The following CD109 variants were observed in gnomAD, a reference collection of about 807,000 sequenced individuals.
CD109 encodes the protein CD109 molecule, also known as CD109 antigen.
In CD109, 149 loss-of-function variants were observed where a neutral mutation model predicts 165.8. The observed-to-expected ratio is 0.90, with a 90% CI of 0.79 to 1.03. The LOEUF is 1.03. Among genes scored for constraint, CD109 ranks in the 50% least tolerant of loss-of-function variants. CD109 has a pLI of 0.00. For synonymous variants in CD109, 585 were observed against 592.1 expected (o/e 0.99, Z 0.18); for missense variants, 1,712 against 1,677.8 (o/e 1.02, Z -0.36).
rs1468574679 is a variant in CD109 at position 73,818,425 on chromosome 6, G to A, written c.3949G>A (p.Glu1317Lys). Residue 1317 changes from glutamate (E) to lysine (K), a missense_variant, in exon 31 of 33, where the codon GAA (glutamate) becomes AAA (lysine). Physicochemically the swap from Glu to Lys is moderately conservative, Grantham distance 56 (BLOSUM62 1). Coordinates refer to ENST00000287097, the MANE Select transcript of CD109 (RefSeq NM_133493.5). The stretch of plus-strand genomic sequence containing the variant: ...GGGTAGGAGTGGCATGGCTCTTATG[G>A]AAGTTAACCTATTAAGTGGCTTTAT... Reference protein sequence around the residue: ...GPGRSGMALMEVNLLSGFMVP... With the variant: ...GPGRSGMALMKVNLLSGFMVP... 3.7e-6 allele frequency: 6 copies of A among 1,613,822 alleles called. No homozygotes were observed. Among genetic ancestry groups the A allele is most frequent in the Admixed American group, 1.7e-5 (1 of 59,938 alleles).
chr6:73,824,491 A>T lies in CD109; in HGVS notation c.*858A>T, dbSNP rs1278288851. 1 of 152,176 alleles carries T rather than the reference A, an allele frequency of 6.6e-6. No homozygotes were observed. Among genetic ancestry groups the T allele is most frequent in the East Asian group, 1.9e-4 (1 of 5,198 alleles). The allele number at this position is 152,176 out of a possible 1,614,324, so 9.4% of individuals were successfully genotyped here. On this transcript the variant is annotated 3_prime_UTR_variant, in exon 33 of 33. Coordinates refer to ENST00000287097, the MANE Select transcript of CD109 (RefSeq NM_133493.5). Reference sequence around the variant, plus strand: ...ACCAGGGAGACACTGTGAGCCAGGGATACAACAAAATACTAGGTAAGTCAC... The same window carrying T: ...ACCAGGGAGACACTGTGAGCCAGGGTTACAACAAAATACTAGGTAAGTCAC...
chr6:73,728,138 T>C (rs1479839440), intron 3 of CD109, among the ~76,000 whole-genome samples: 1 of 152,148 alleles, frequency 6.6e-6, no homozygotes, highest in Non-Finnish European at 1.5e-5. Context: ...CTGGCCAACA[T>C]GGTAAAACCT....
Position 73,811,120 on chromosome 6 carries a change from CA to C in CD109, c.3677del (p.Asn1226ThrfsTer38). The stretch of plus-strand genomic sequence containing the variant: ...CTGTAAAGTTTCTGATTGACACACA[CA>C]ACCGCTTACTCCTTCAGACAGCAGA... ...SPVKFLIDTHNRLLLQTAELA... is the reference protein window; with the variant it reads ...SPVKFLIDTHXRLLLQTAELA... On this transcript the variant is annotated frameshift_variant, in exon 28 of 33. Transcript: ENST00000287097. LOFTEE classifies it high-confidence loss of function. 1.9e-6 allele frequency: 3 copies of C among 1,613,200 alleles called. No homozygotes were observed. The highest frequency in any genetic ancestry group is 2.5e-6 in the Non-Finnish European group (3 of 1,179,484).
intron 5 of CD109, among the ~76,000 whole-genome samples, chr6:73,752,592 C>T (rs867561545): frequency 3.3e-5 from 5 of 152,060 alleles, no homozygotes; most frequent in East Asian, 1.9e-4. Context: ...TAATCAAGGC[C>T]GTCTTACATC....
chr6:73,802,695 C>CT (rs572988991), intron 23 of CD109, among the ~76,000 whole-genome samples: 8,961 of 127,860 alleles, frequency 0.07, 630 homozygotes, highest in East Asian at 0.3. Flanking sequence ...ATATCACAGG[C>CT]TTTTTTTTTT....
At chr6:73,705,832 T>C (rs1771247479) in intron 2 of CD109, among the ~76,000 whole-genome samples, 1 of 152,088 alleles carries the variant, frequency 6.6e-6, no homozygotes, top group South Asian at 2.1e-4. Flanking sequence ...TTAAGTTGAA[T>C]GTTGGAAGCA....
chr6:73,730,652 T>C, intron 4 of CD109, 78 bp downstream of exon 4: 3 of 859,472 alleles, frequency 3.5e-6, no homozygotes, highest in Non-Finnish European at 5.4e-6. Context: ...CTTGTGTTAC[T>C]GACACTGGAA....
rs537714190 is a variant in CD109 at position 73,761,280 on chromosome 6, C to T, written c.759-1104C>T. On this transcript the variant is annotated intron_variant, in intron 7 of 32. Coordinates refer to ENST00000287097, the MANE Select transcript of CD109 (RefSeq NM_133493.5). The stretch of plus-strand genomic sequence containing the variant: ...GACATTTAAAAATCTTCTAAAGCTG[C>T]GAAGTTTCGTGGGCATTCAGTTAAT... 1.2e-4 allele frequency among the ~76,000 whole-genome samples: 18 copies of T among 152,172 alleles called. No individual in the cohort carries two copies. The East Asian group carries it at 1.7e-3, about 15-fold the overall frequency.
intron 19 of CD109, among the ~76,000 whole-genome samples, chr6:73,784,369 T>A (rs758115445): frequency 1.7e-4 from 24 of 143,880 alleles, no homozygotes; most frequent in Non-Finnish European, 3.1e-4. Flanking sequence ...CAGTGTAGAT[T>A]GAAAAATGCT....
chr6:73,808,379 T>C, intron 26 of CD109, 131 bp downstream of exon 26: 1 of 868,364 alleles, frequency 1.2e-6, no homozygotes, highest in Non-Finnish European at 1.7e-6. Flanking sequence ...CATAATGAGA[T>C]CAGGATGGGC....
rs1776180415 is a variant in CD109, at chr6:73,823,661, C to T, written c.*28C>T. The T allele has an allele frequency of 6.4e-7, 1 of 1,562,324 alleles. No individual in the cohort carries two copies. Among genetic ancestry groups the T allele is most frequent in the African/African-American group, 1.4e-5 (1 of 73,638 alleles). On this transcript the variant is annotated 3_prime_UTR_variant, in exon 33 of 33. Transcript: ENST00000287097. ...TATTTTTAAAGGACTCTGTGTAACA[C>T]TAACATTTCCAGTAGTCACATGTGA...
intron 4 of CD109, among the ~76,000 whole-genome samples, chr6:73,733,807 A>G (rs1194532723): frequency 1.3e-5 from 2 of 152,214 alleles, no homozygotes; most frequent in African/African-American, 2.4e-5. Context: ...CTCTAATTCT[A>G]CAGGCTGGAC....
the CD109 span, among the ~76,000 whole-genome samples, chr6:73,681,976 C>T: frequency 3.4e-4 from 51 of 152,140 alleles, 1 homozygote; most frequent in Middle Eastern, 6.8e-3. Context: ...TGGGAAAGAT[C>T]CCCCCTGCCA....
intron 15 of CD109, among the ~76,000 whole-genome samples, chr6:73,778,762 G>GA (rs1774359904): frequency 6.6e-6 from 1 of 151,798 alleles, no homozygotes; most frequent in Non-Finnish European, 1.5e-5. Context: ...GTGGTTGCAG[G>GA]TGTTTAATTT....
chr6:73,750,767 G>A (rs1773158221), intron 5 of CD109, among the ~76,000 whole-genome samples: 1 of 152,088 alleles, frequency 6.6e-6, no homozygotes, highest in African/African-American at 2.4e-5. Flanking sequence ...TTATTTATGT[G>A]TAACTGTGAG....
chr6:73,804,079 C>T (rs949191362), intron 24 of CD109: 2 of 152,234 alleles, frequency 1.3e-5, no homozygotes, highest in Non-Finnish European at 2.9e-5. Context: ...GAGACTTCAT[C>T]CTGAGTGTAT....
At chr6:73,755,266 CTT>C (rs2150212880) in intron 5 of CD109, among the ~76,000 whole-genome samples, 2 of 152,262 alleles carry the variant, frequency 1.3e-5, no homozygotes, top group East Asian at 3.9e-4. Flanking sequence ...TTTCTTAAGA[CTT>C]TGATCAAAAC....
chr6:73,684,458 C>T, the CD109 span, among the ~76,000 whole-genome samples: 127 of 151,314 alleles, frequency 8.4e-4, no homozygotes, highest in African/African-American at 2.8e-3. Context: ...TGGGCTCAAG[C>T]GATTCACCTG....
chr6:73,713,320 CCT>C (rs1771602493), intron 2 of CD109, among the ~76,000 whole-genome samples: 1 of 152,134 alleles, frequency 6.6e-6, no homozygotes, highest in Admixed American at 6.5e-5. Context: ...GTCCACATAT[CCT>C]CTGAGTCGCT....
Sources: gnomAD v4.1 joint callset for allele counts (sites outside exome capture counted in the v4.1 genomes callset) on GRCh38, gnomAD v4.1.1 for gene constraint, MANE v1.5 for transcripts, NCBI Gene and HGNC (gene_info 2026-07-23, HGNC 2026-07-21) for gene names.